The following SPATC1L variants were observed in gnomAD, a reference collection of about 807,000 sequenced individuals.
The protein encoded by SPATC1L is speriolin-like protein.
In SPATC1L, 20 loss-of-function variants were observed where a neutral mutation model predicts 21.2. The observed-to-expected ratio is 0.94, with a 90% confidence interval of 0.66 to 1.37. The LOEUF is 1.37. Among genes scored for constraint, SPATC1L ranks in the 40% most tolerant of loss-of-function variants. The pLI, the probability that SPATC1L is intolerant of heterozygous loss-of-function variation, is 0.00. For missense variants in SPATC1L, 499 were observed against 478.7 expected (o/e 1.04, Z -0.40); for synonymous variants, 290 against 234.5 (o/e 1.24, Z -2.16).
Position 46,161,286 on chromosome 21 carries a change from C to T in SPATC1L, c.*93G>A. 8 of 1,262,506 alleles carry T rather than the reference C, an allele frequency of 6.3e-6. No individual in the cohort carries two copies. Among genetic ancestry groups the T allele is most frequent in the Non-Finnish European group, 8.4e-6 (8 of 955,506 alleles). The allele number at this position is 1,262,506 out of a possible 1,614,324, so 78.2% of individuals were successfully genotyped here. A position where few individuals can be genotyped will look rare whatever the true frequency, so the allele number is the denominator to read the frequency against. ...TGGCCTCGCGCGCGGGGGACGCGGC[C>T]CTTTCCCCTCCGGGGGGACGCGCAG... On this transcript the variant is annotated 3_prime_UTR_variant, in exon 5 of 5. Transcript: ENST00000291672.
rs771787684 is a variant in SPATC1L, at chr21:46,161,574, C to G, written c.828G>C (p.Glu276Asp). The G allele has an allele frequency of 2.5e-6, 4 of 1,610,410 alleles. No homozygotes were observed. The highest frequency in any genetic ancestry group is 1.3e-5 in the African/African-American group (1 of 74,884). The stretch of plus-strand genomic sequence containing the variant: ...GGATTCCGTAGGTGTTGATGAGGAA[C>G]TCGCTGAACGCCGGGTGCACGTCGC... ...YSRDVHPAFSEFLINTYGILK... is the reference protein window; with the variant it reads ...YSRDVHPAFSDFLINTYGILK... The change falls in exon 5 of 5, where the codon GAG (glutamate) becomes GAC (aspartate). Residue 276 changes from glutamate (E) to aspartate (D), a missense_variant. Coordinates refer to ENST00000291672, the MANE Select transcript of SPATC1L (RefSeq NM_001142854.2).
chr21:46,165,657 C>T (rs1017311255), intron 3 of SPATC1L, among the ~76,000 whole-genome samples: 1 of 151,912 alleles, frequency 6.6e-6, no homozygotes, highest in East Asian at 1.9e-4. Flanking sequence ...TTCCCTCCTC[C>T]TAGCCTCTCC....
Position 46,174,332 on chromosome 21 carries a change from CA to C in SPATC1L, c.194-5675del, listed in dbSNP as rs66721282. Among the ~76,000 whole-genome samples the C allele has an allele frequency of 9.8e-3, 337 of 34,244 alleles. 6 individuals carry two copies. The highest frequency in any genetic ancestry group is 0.029 in the African/African-American group (313 of 10,652). 22.5% of individuals were successfully genotyped at this position (34,244 alleles called of 152,430 possible). A position where few individuals can be genotyped will look rare whatever the true frequency, so the allele number is the denominator to read the frequency against. ...TGGGAGACAGAGCAAGACTCTGTCT[CA>C]AAAAACAAAACAAAAAAAAAAAAAA... is the stretch of plus-strand genomic sequence containing the variant. On this transcript the variant is annotated intron_variant, in intron 2 of 4. Coordinates refer to ENST00000291672, the MANE Select transcript of SPATC1L (RefSeq NM_001142854.2).
At chr21:46,172,584 C>T (rs941489438) in intron 2 of SPATC1L, among the ~76,000 whole-genome samples, 1 of 152,210 alleles carries the variant, frequency 6.6e-6, no homozygotes, top group African/African-American at 2.4e-5. Context: ...AGGATGCGGC[C>T]AAAACCCTCT....
In SPATC1L at chr21:46,162,001, T is replaced by G; in HGVS notation, c.611A>C (p.Asp204Ala). 6.2e-7 allele frequency: 1 copy of G among 1,603,286 alleles called. No homozygotes were observed. Among genetic ancestry groups the G allele is most frequent in the South Asian group, 1.1e-5 (1 of 89,910 alleles). ...GAACACGTAGGCCAGGATGCGGCGG[T>G]CCAGCTGGAAGGCGATCTCGCCCAC... is the stretch of plus-strand genomic sequence containing the variant. ...RVVGEIAFQLDRRILAYVFPG... is the reference protein window; with the variant it reads ...RVVGEIAFQLARRILAYVFPG... Residue 204 changes from aspartate (D) to alanine (A), a missense_variant, in exon 4 of 5, where the codon GAC (aspartate) becomes GCC (alanine). Coordinates refer to ENST00000291672, the MANE Select transcript of SPATC1L (RefSeq NM_001142854.2).
chr21:46,177,270 TAATCA>T (rs1264796056), intron 2 of SPATC1L, among the ~76,000 whole-genome samples: 1 of 152,180 alleles, frequency 6.6e-6, no homozygotes, highest in Non-Finnish European at 1.5e-5. Context: ...TAATGGCATC[TAATCA>T]AAGAGCTTCT....
chr21:46,162,127 G>A, intron 3 of SPATC1L, 60 bp from the exon 4 acceptor site: 1 of 1,482,196 alleles, frequency 6.7e-7, no homozygotes, highest in Non-Finnish European at 9.0e-7. Flanking sequence ...TGCCCTCGAG[G>A]GTGCCCTCGG....
In SPATC1L at chr21:46,168,573, A is replaced by C; in HGVS notation, c.279T>G (p.His93Gln). 6.8e-7 allele frequency: 1 copy of C among 1,474,194 alleles called. No homozygotes were observed. Among genetic ancestry groups the C allele is most frequent in the Non-Finnish European group, 9.1e-7 (1 of 1,096,662 alleles). 91.3% of individuals were successfully genotyped at this position (1,474,194 alleles called of 1,614,324 possible). Reference sequence around the variant, plus strand: ...TGTCGTCCTCGCTGGACAGGGGGGCATGTGAGCACAGCAGGTCCTCCAGGG... The same window carrying C: ...TGTCGTCCTCGCTGGACAGGGGGGCCTGTGAGCACAGCAGGTCCTCCAGGG... ...TSSLEDLLCS[H>Q]APLSSEDDTS... Residue 93 changes from histidine to glutamine, a missense_variant, in exon 3 of 5, where the codon CAT becomes CAG. By Grantham distance (24) the His-to-Gln change is conservative (BLOSUM62 0). Transcript: ENST00000291672.
rs573580421 is a variant in SPATC1L, at chr21:46,161,364, C to T, written c.*15G>A. The T allele has an allele frequency of 1.6e-5, 24 of 1,496,410 alleles. No homozygotes were observed. The highest frequency in any genetic ancestry group is 1.1e-4 in the South Asian group (8 of 75,552). 92.7% of individuals were successfully genotyped at this position (1,496,410 alleles called of 1,614,324 possible). A position where few individuals can be genotyped will look rare whatever the true frequency, so the allele number is the denominator to read the frequency against. ...AACGCGTTTACTGCAGGCAAGGCGG[C>T]GGGCGCGGGGCGGCTCACCAGGCGA... is the stretch of plus-strand genomic sequence containing the variant. On this transcript the variant is annotated 3_prime_UTR_variant, in exon 5 of 5. Transcript: ENST00000291672.
In SPATC1L at chr21:46,182,833, CT is replaced by C; in HGVS notation, c.-18del. ...TTCAGCCATGGCGGGTGCGTCCCTC[CT>C]TGTCCCTCACGGCTCCTGCAGCCCC... On this transcript the variant is annotated 5_prime_UTR_variant, in exon 2 of 5. Transcript: ENST00000291672. The C allele has an allele frequency of 6.6e-7, 1 of 1,510,038 alleles. No homozygotes were observed. Among genetic ancestry groups the C allele is most frequent in the East Asian group, 2.5e-5 (1 of 39,866 alleles). 93.5% of individuals were successfully genotyped at this position (1,510,038 alleles called of 1,614,324 possible). A position where few individuals can be genotyped will look rare whatever the true frequency, so the allele number is the denominator to read the frequency against.
intron 2 of SPATC1L, among the ~76,000 whole-genome samples, chr21:46,172,254 A>G (rs2079599427): frequency 6.6e-6 from 1 of 150,458 alleles, no homozygotes; most frequent in East Asian, 2.0e-4. Context: ...GCAGAGCACA[A>G]GATGGGGGTG....
At chr21:46,174,331 T>TCAAAA (rs1569002320) in intron 2 of SPATC1L, among the ~76,000 whole-genome samples, 3 of 54,838 alleles carry the variant, frequency 5.5e-5, no homozygotes, top group Admixed American at 4.6e-4. Flanking sequence ...AGACTCTGTC[T>TCAAAA]CAAAAAACAA....
intron 3 of SPATC1L, among the ~76,000 whole-genome samples, chr21:46,165,218 T>A (rs1297957214): frequency 6.6e-6 from 1 of 152,238 alleles, no homozygotes; most frequent in Non-Finnish European, 1.5e-5. Flanking sequence ...TAGCCTTATA[T>A]CTGATAACCT....
intron 4 of SPATC1L, 99 bp downstream of exon 4, chr21:46,161,817 T>G: frequency 1.3e-6 from 2 of 1,519,926 alleles, no homozygotes; most frequent in South Asian, 2.4e-5. Context: ...GGTCCCCTCC[T>G]GCGGACAGTG....
intron 2 of SPATC1L, among the ~76,000 whole-genome samples, chr21:46,168,935 G>A (rs892145545): frequency 6.6e-6 from 1 of 152,168 alleles, no homozygotes; most frequent in Non-Finnish European, 1.5e-5. Context: ...CCTCCTGCCT[G>A]CCTGTGTGCC....
chr21:46,171,084 A>G (rs1280738737), intron 2 of SPATC1L, among the ~76,000 whole-genome samples: 1 of 152,218 alleles, frequency 6.6e-6, no homozygotes, highest in Non-Finnish European at 1.5e-5. Context: ...AGGTGTGTTC[A>G]CTTTCTTTGC....
Position 46,178,946 on chromosome 21 carries a change from T to A in SPATC1L, c.193+3678A>T, listed in dbSNP as rs8133300. ...CTTCTGAATCAATGATTCTATTTTT[T>A]AAAAATAAATCCAGCTGGACAGTGG... On this transcript the variant is annotated intron_variant, in intron 2 of 4. Transcript: ENST00000291672. Among the ~76,000 whole-genome samples, 1,375 of 150,572 alleles carry A rather than the reference T, an allele frequency of 9.1e-3. 27 individuals carry two copies. The highest frequency in any genetic ancestry group is 0.03 in the African/African-American group (1,249 of 41,042).
Position 46,182,839 on chromosome 21 carries a change from C to T in SPATC1L, c.-23G>A. ...CATGGCGGGTGCGTCCCTCCTTGTC[C>T]CTCACGGCTCCTGCAGCCCCATGGA... On this transcript the variant is annotated 5_prime_UTR_variant, in exon 2 of 5. Transcript: ENST00000291672. The T allele has an allele frequency of 1.3e-6, 2 of 1,497,364 alleles. No homozygotes were observed. The highest frequency in any genetic ancestry group is 1.3e-5 in the South Asian group (1 of 77,922). The allele number at this position is 1,497,364 out of a possible 1,614,324, so 92.8% of individuals were successfully genotyped here. A position where few individuals can be genotyped will look rare whatever the true frequency, so the allele number is the denominator to read the frequency against.
chr21:46,166,670 CAA>C (rs1197210094), intron 3 of SPATC1L, among the ~76,000 whole-genome samples: 2 of 152,080 alleles, frequency 1.3e-5, no homozygotes, highest in East Asian at 1.9e-4. Flanking sequence ...AAAACTATAA[CAA>C]GAGACAAAGA....
Sources: gnomAD v4.1 joint callset for allele counts (sites outside exome capture counted in the v4.1 genomes callset) on GRCh38, gnomAD v4.1.1 for gene constraint, MANE v1.5 for transcripts, NCBI Gene and HGNC (gene_info 2026-07-23, HGNC 2026-07-21) for gene names.